SNX2: variants seen among roughly 807,000 people sequenced by gnomAD.
SNX2 encodes sorting nexin 2, also known as sorting nexin-2.
In SNX2, 25 loss-of-function variants were observed where a neutral mutation model predicts 69.9. The ratio of observed to expected loss-of-function variants is 0.36; its 90% CI spans 0.26 to 0.50. The LOEUF (loss-of-function observed/expected upper bound fraction) is 0.50. SNX2 is among the 20% of genes least tolerant of loss of function. SNX2 has a pLI of 0.97. For missense variants in SNX2, 551 were observed against 613.3 expected, an observed-to-expected ratio of 0.90 and a Z score of 1.07; for synonymous variants, 229 against 200.4, an observed-to-expected ratio of 1.14 and a Z score of -1.20.
chr5:122,790,434 T>C (rs1421039012), intron 1 of SNX2, among the ~76,000 whole-genome samples: 1 of 152,168 alleles, frequency 6.6e-6, no homozygotes, highest in Non-Finnish European at 1.5e-5. Flanking sequence ...GAGGATCCAC[T>C]TCTAAGCTCA....
chr5:122,826,006 T>C (rs1167831166), intron 11 of SNX2, 44 bp from the exon 12 acceptor site: 1 of 1,567,448 alleles, frequency 6.4e-7, no homozygotes, highest in African/African-American at 1.4e-5. Context: ...GAAAGTATTT[T>C]AAATGTTACT....
At chr5:122,786,610 C>T (rs756900651) in intron 1 of SNX2, among the ~76,000 whole-genome samples, 2 of 152,020 alleles carry the variant, frequency 1.3e-5, no homozygotes, top group Non-Finnish European at 2.9e-5. Flanking sequence ...CCCTCCTTTA[C>T]GCTTGGAAGT....
chr5:122,817,221 A>G (rs2150014608), intron 9 of SNX2, 59 bp from the exon 10 acceptor site: 1 of 1,503,766 alleles, frequency 6.6e-7, no homozygotes. Flanking sequence ...GCTATTGGTA[A>G]CCTAATTTAC....
chr5:122,834,342 A>G lies in SNX2; in HGVS notation c.*4694A>G, dbSNP rs1284025643. Reference sequence around the variant, plus strand: ...TTTTAAAAAATTCTCTAAAGATTGAATAATTTTAAGTATTTCTTAACTGGG... The same window carrying G: ...TTTTAAAAAATTCTCTAAAGATTGAGTAATTTTAAGTATTTCTTAACTGGG... On this transcript the variant is annotated 3_prime_UTR_variant, in exon 15 of 15. Transcript: ENST00000379516. 6.6e-6 allele frequency: 1 copy of G among 152,218 alleles called. No homozygotes were observed. The highest frequency in any genetic ancestry group is 1.9e-4 in the East Asian group (1 of 5,192). The allele number at this position is 152,218 out of a possible 1,614,324, so 9.4% of individuals were successfully genotyped here. A position where few individuals can be genotyped will look rare whatever the true frequency, so the allele number is the denominator to read the frequency against.
Position 122,831,435 on chromosome 5 carries a change from T to C in SNX2, c.*1787T>C, listed in dbSNP as rs1242687800. Among the ~76,000 whole-genome samples, 1 of 152,066 alleles carries C rather than the reference T, an allele frequency of 6.6e-6. No individual in the cohort carries two copies. The highest frequency in any genetic ancestry group is 1.5e-5 in the Non-Finnish European group (1 of 68,014). On this transcript the variant is annotated 3_prime_UTR_variant, in exon 15 of 15. Coordinates refer to ENST00000379516, the MANE Select transcript of SNX2 (RefSeq NM_003100.4). Reference sequence around the variant, plus strand: ...CTATAGTACACTATGATCGTGCCTGTGAATACCCACTAACCTACAGCCAGC... The same window carrying C: ...CTATAGTACACTATGATCGTGCCTGCGAATACCCACTAACCTACAGCCAGC...
chr5:122,804,899 T>C (rs1753602134), intron 6 of SNX2, among the ~76,000 whole-genome samples: 1 of 152,204 alleles, frequency 6.6e-6, no homozygotes, highest in African/African-American at 2.4e-5. Flanking sequence ...GCTGCTGAAG[T>C]GAGCACTACC....
intron 6 of SNX2, among the ~76,000 whole-genome samples, chr5:122,807,237 A>G (rs1176119612): frequency 6.6e-6 from 1 of 151,990 alleles, no homozygotes; most frequent in East Asian, 1.9e-4. Flanking sequence ...ACTCCAGCCT[A>G]GGTGACAGAG....
intron 11 of SNX2, among the ~76,000 whole-genome samples, chr5:122,820,964 T>C (rs1025272540): frequency 9.2e-5 from 14 of 152,218 alleles, no homozygotes; most frequent in African/African-American, 3.4e-4. Flanking sequence ...AATGATTCAT[T>C]GACTAAAAGA....
chr5:122,798,773 A>G (rs986012900), intron 2 of SNX2, among the ~76,000 whole-genome samples: 1 of 151,656 alleles, frequency 6.6e-6, no homozygotes, highest in Non-Finnish European at 1.5e-5. Context: ...TTTTTTCTCT[A>G]CCCATTTCAG....
intron 7 of SNX2, chr5:122,808,583 T>C (rs1753703195): frequency 2.8e-6 from 1 of 352,746 alleles, no homozygotes; most frequent in African/African-American, 2.1e-5. Context: ...TCTAACAAAA[T>C]AACACTTGTT....
intron 1 of SNX2, among the ~76,000 whole-genome samples, chr5:122,784,035 T>A (rs1043626640): frequency 5.3e-5 from 8 of 151,918 alleles, no homozygotes; most frequent in Non-Finnish European, 1.2e-4. Flanking sequence ...TTAGTGCTTT[T>A]ATTTCTTTTA....
intron 7 of SNX2, among the ~76,000 whole-genome samples, chr5:122,815,115 CT>C (rs1753873483): frequency 6.6e-6 from 1 of 151,990 alleles, no homozygotes; most frequent in Admixed American, 6.5e-5. Flanking sequence ...ACCTTATTTC[CT>C]TTTATGAAGT....
chr5:122,780,184 A>G (rs1360088679), intron 1 of SNX2, among the ~76,000 whole-genome samples: 1 of 152,168 alleles, frequency 6.6e-6, no homozygotes, highest in Non-Finnish European at 1.5e-5. Context: ...TCTATCTTAA[A>G]CTTATTGAAA....
intron 1 of SNX2, among the ~76,000 whole-genome samples, chr5:122,794,641 A>G (rs1753334313): frequency 1.3e-5 from 2 of 152,242 alleles, no homozygotes; most frequent in Non-Finnish European, 2.9e-5. Context: ...TTTTGGTTCT[A>G]TTGTATATGA....
chr5:122,792,953 A>T (rs1250049893), intron 1 of SNX2, among the ~76,000 whole-genome samples: 1 of 152,228 alleles, frequency 6.6e-6, no homozygotes, highest in African/African-American at 2.4e-5. Flanking sequence ...GAGTAGCGAA[A>T]GTGAAAAAAA....
chr5:122,809,351 T>C (rs867250781), intron 7 of SNX2, among the ~76,000 whole-genome samples: 1 of 152,162 alleles, frequency 6.6e-6, no homozygotes, highest in South Asian at 2.1e-4. Flanking sequence ...GACTAATATA[T>C]ATGCTCTGTT....
Position 122,780,113 on chromosome 5 carries a change from C to T in SNX2, c.108+4902C>T, listed in dbSNP as rs574837164. Among the ~76,000 whole-genome samples, 7 of 152,262 alleles carry T rather than the reference C, an allele frequency of 4.6e-5. No homozygotes were observed. The South Asian group carries it at 8.3e-4, about 18-fold the overall frequency. On this transcript the variant is annotated intron_variant, in intron 1 of 14. Transcript: ENST00000379516. ...TATTTCACTTGAGGTTATGTTATAT[C>T]AGTGAAGATAGCATTAGGCAGCTAG...
Position 122,819,055 on chromosome 5 carries a change from G to A in SNX2, c.1212+32G>A, listed in dbSNP as rs1393436485. On this transcript the variant is annotated intron_variant, in intron 11 of 14. Coordinates refer to ENST00000379516, the MANE Select transcript of SNX2 (RefSeq NM_003100.4). ...CCTTTCTTGCATGCTTCTCACTTGTGTCGTGTACTTTAAAAAGTATTTTGT... is the reference window on the plus strand; with the variant it reads ...CCTTTCTTGCATGCTTCTCACTTGTATCGTGTACTTTAAAAAGTATTTTGT... 4.6e-6 allele frequency: 7 copies of A among 1,531,002 alleles called. No individual in the cohort carries two copies. The South Asian group carries it at 6.9e-5, about 15-fold the overall frequency. The allele number at this position is 1,531,002 out of a possible 1,614,324, so 94.8% of individuals were successfully genotyped here.
At chr5:122,797,728 A>G (rs889956181) in intron 2 of SNX2, among the ~76,000 whole-genome samples, 2 of 152,196 alleles carry the variant, frequency 1.3e-5, no homozygotes, top group African/African-American at 4.8e-5. Flanking sequence ...GTCTCAAAGT[A>G]TGTCTCCAAG....
Sources: allele counts gnomAD v4.1 joint callset (sites outside exome capture counted in the v4.1 genomes callset), GRCh38; gene constraint gnomAD v4.1.1; transcripts MANE v1.5; gene names NCBI Gene and HGNC (gene_info 2026-07-23, HGNC 2026-07-21).